TAF1A: variants seen among roughly 807,000 people sequenced by gnomAD.
The protein encoded by TAF1A is TATA box-binding protein-associated factor RNA polymerase I subunit A.
A neutral mutation model predicts 61.6 loss-of-function variants in TAF1A; 42 were observed. The observed-to-expected ratio is 0.68, with a 90% CI of 0.53 to 0.88. The LOEUF (loss-of-function observed/expected upper bound fraction) is 0.88, where lower values mean the gene tolerates loss of function less well. Ranked by LOEUF, TAF1A falls within the 40% of genes least tolerant of loss-of-function variation. The pLI is 0.00. For missense variants in TAF1A, 424 were observed against 518.7 expected (o/e 0.82, Z 1.77); for synonymous variants, 179 against 177.7 (o/e 1.01, Z -0.06).
intron 1 of TAF1A, among the ~76,000 whole-genome samples, chr1:222,588,868 A>C (rs996219235): frequency 6.6e-6 from 1 of 152,240 alleles, no homozygotes; most frequent in African/African-American, 2.4e-5. Flanking sequence ...TATAATAACA[A>C]AACAATATGA....
chr1:222,558,855 A>C, intron 10 of TAF1A, 83 bp from the exon 11 acceptor site: 1 of 562,200 alleles, frequency 1.8e-6, no homozygotes, highest in Non-Finnish European at 3.0e-6. Flanking sequence ...TTCTGCTTTA[A>C]GTTTAGCACA....
chr1:222,558,686 AT>A lies in TAF1A; in HGVS notation c.1326del (p.Lys442AsnfsTer5). The A allele has an allele frequency of 6.4e-7, 1 of 1,571,394 alleles. No homozygotes were observed. The highest frequency in any genetic ancestry group is 8.6e-7 in the Non-Finnish European group (1 of 1,157,002). ...KIKRMKRSVKKYSIVNPRL is the reference protein window; with the variant it reads ...KIKRMKRSVKXYSIVNPRL ...CAGAGTCTTGGATTTACAATACTGT[AT>A]TTTTTCACAGATCTCTTCATCCGCT... is the stretch of plus-strand genomic sequence containing the variant. On this transcript the variant is annotated frameshift_variant, in exon 11 of 11. Coordinates refer to ENST00000352967, the MANE Select transcript of TAF1A (RefSeq NM_005681.4). LOFTEE classifies it high-confidence loss of function.
At chr1:222,572,046 G>A (rs1450751163) in intron 5 of TAF1A, among the ~76,000 whole-genome samples, 3 of 151,966 alleles carry the variant, frequency 2.0e-5, no homozygotes, top group Non-Finnish European at 4.4e-5. Flanking sequence ...GTGAAACCCC[G>A]TCTCTACTAA....
rs1558154391 is a variant in TAF1A, at chr1:222,584,260, T to C, written c.159A>G (p.Thr53=). The change falls in exon 3 of 11, where the codon ACA becomes ACG. Residue 53 remains threonine (T), a synonymous_variant. Coordinates refer to ENST00000352967, the MANE Select transcript of TAF1A (RefSeq NM_005681.4). ...GGATAAAACTTAAACAAGCACTTGT[T>C]GTCTGAGCAAAATCCTTCCTCCTTT... ...GGKRRKDFAQ[T]TSACLSFIQE... 6.2e-7 allele frequency: 1 copy of C among 1,609,870 alleles called. No individual in the cohort carries two copies. The highest frequency in any genetic ancestry group is 8.5e-7 in the Non-Finnish European group (1 of 1,179,084).
Position 222,586,562 on chromosome 1 carries a change from A to G in TAF1A, c.121+1881T>C, listed in dbSNP as rs540359610. Among the ~76,000 whole-genome samples the G allele has an allele frequency of 2.6e-5, 4 of 152,350 alleles. No individual in the cohort carries two copies. The South Asian group carries it at 8.3e-4, about 32-fold the overall frequency. The stretch of plus-strand genomic sequence containing the variant: ...AAATTGTCAAGGAAAACACATTTTT[A>G]CATGGAATAGAGATGTACAATAAAG... On this transcript the variant is annotated intron_variant, in intron 2 of 10. Coordinates refer to ENST00000352967, the MANE Select transcript of TAF1A (RefSeq NM_005681.4).
intron 2 of TAF1A, among the ~76,000 whole-genome samples, chr1:222,585,658 T>C (rs898114381): frequency 8.5e-5 from 13 of 152,100 alleles, no homozygotes; most frequent in Non-Finnish European, 1.3e-4. Context: ...TGTACAACTA[T>C]TAATGATAGC....
At chr1:222,558,990 G>C (rs1366089597) in intron 10 of TAF1A, among the ~76,000 whole-genome samples, 1 of 152,116 alleles carries the variant, frequency 6.6e-6, no homozygotes, top group Non-Finnish European at 1.5e-5. Context: ...TATGGCATAA[G>C]TATATTCTCA....
At chr1:222,575,561 T>C (rs1052657846) in intron 5 of TAF1A, among the ~76,000 whole-genome samples, 7 of 151,904 alleles carry the variant, frequency 4.6e-5, no homozygotes, top group Non-Finnish European at 8.8e-5. Flanking sequence ...ATAAATTGGG[T>C]TTGAATTTAT....
intron 7 of TAF1A, among the ~76,000 whole-genome samples, chr1:222,566,000 A>G (rs1010149033): frequency 6.6e-6 from 1 of 152,242 alleles, no homozygotes; most frequent in African/African-American, 2.4e-5. Flanking sequence ...GGCCTTTTAA[A>G]AGAAAACAGA....
Position 222,569,233 on chromosome 1 carries a change from A to G in TAF1A, c.894+277T>C, listed in dbSNP as rs1660242883. 30 of 1,243,698 alleles carry G rather than the reference A, an allele frequency of 2.4e-5. No individual in the cohort carries two copies. In the South Asian group the frequency reaches 4.1e-4, roughly 17 times the overall value. 77.0% of individuals were successfully genotyped at this position (1,243,698 alleles called of 1,614,324 possible). A position where few individuals can be genotyped will look rare whatever the true frequency, so the allele number is the denominator to read the frequency against. ...TACTCTCTGAAAACTAAATTTCAAT[A>G]AAGTTGATTTTCAAAAAATATCAGT... On this transcript the variant is annotated intron_variant, in intron 7 of 10. Transcript: ENST00000352967.
intron 4 of TAF1A, among the ~76,000 whole-genome samples, chr1:222,577,882 T>C (rs1404970851): frequency 6.6e-6 from 1 of 152,054 alleles, no homozygotes; most frequent in Non-Finnish European, 1.5e-5. Flanking sequence ...TGTGATATAG[T>C]GGGGAAAAAA....
At chr1:222,560,546 G>A (rs1558139774) in intron 10 of TAF1A, among the ~76,000 whole-genome samples, 2 of 152,154 alleles carry the variant, frequency 1.3e-5, no homozygotes, top group Admixed American at 6.5e-5. Context: ...TCATAAAGTA[G>A]AAAAATGACA....
At chr1:222,569,484 C>A in intron 7 of TAF1A, 26 bp downstream of exon 7, 2 of 1,613,270 alleles carry the variant, frequency 1.2e-6, no homozygotes, top group South Asian at 2.2e-5. Flanking sequence ...CAACCCTGGT[C>A]AAACATCGAG....
rs773030367 is a variant in TAF1A, at chr1:222,577,496, G to A, written c.553C>T (p.Leu185Phe). Reference sequence around the variant, plus strand: ...TCAGACCAGGTATAATACTGTAAAAGCCCTTTATAGGCCTGAATAAGGTTG... The same window carrying A: ...TCAGACCAGGTATAATACTGTAAAAACCCTTTATAGGCCTGAATAAGGTTG... ...LINLIQAYKG[L>F]LQYYTWSEKK... is the part of the protein sequence containing the mutation. The change falls in exon 5 of 11, where the codon CTT becomes TTT. Residue 185 changes from leucine (L) to phenylalanine (F), a missense_variant. Coordinates refer to ENST00000352967, the MANE Select transcript of TAF1A (RefSeq NM_005681.4). 5.0e-6 allele frequency: 8 copies of A among 1,613,786 alleles called. No individual in the cohort carries two copies. In the Admixed American group the frequency reaches 6.7e-5, roughly 13 times the overall value.
downstream of TAF1A, chr1:222,558,213 T>C (rs1322644812): frequency 2.0e-5 from 3 of 152,182 alleles, no homozygotes; most frequent in Admixed American, 6.5e-5. Context: ...TCCTTCTCTC[T>C]TTTCAAAATT....
chr1:222,563,094 C>A, intron 9 of TAF1A, 79 bp downstream of exon 9: 1 of 1,320,622 alleles, frequency 7.6e-7, no homozygotes, highest in Non-Finnish European at 1.0e-6. Flanking sequence ...AAGCAAAGAT[C>A]TTTAAAAATT....
At chr1:222,564,230 T>A in intron 7 of TAF1A, 105 bp from the exon 8 acceptor site, 2 of 502,186 alleles carry the variant, frequency 4.0e-6, no homozygotes, top group Non-Finnish European at 7.0e-6. Flanking sequence ...ATGCTCCCTT[T>A]AAATTTATTA....
chr1:222,570,354 G>A (rs189422260), intron 6 of TAF1A, among the ~76,000 whole-genome samples, 181 bp downstream of exon 6: 10 of 152,140 alleles, frequency 6.6e-5, no homozygotes, highest in East Asian at 3.9e-4. Context: ...ACTTGGCCAC[G>A]ACGGGTTATA....
At chr1:222,566,643 A>T (rs1660128224) in intron 7 of TAF1A, among the ~76,000 whole-genome samples, 1 of 152,108 alleles carries the variant, frequency 6.6e-6, no homozygotes, top group Non-Finnish European at 1.5e-5. Flanking sequence ...ATGAGAATCT[A>T]ATGCCACCGC....
Sources: gnomAD v4.1 joint callset for allele counts (sites outside exome capture counted in the v4.1 genomes callset) on GRCh38, gnomAD v4.1.1 for gene constraint, MANE v1.5 for transcripts, NCBI Gene and HGNC (gene_info 2026-07-23, HGNC 2026-07-21) for gene names.